The following VPS8 variants were observed in gnomAD, a reference collection of about 807,000 sequenced individuals.
The protein encoded by VPS8 is vacuolar protein sorting-associated protein 8 homolog.
In VPS8, 129 loss-of-function variants were observed where a neutral mutation model predicts 216.4. That is an observed-to-expected ratio of 0.60 (90% confidence interval 0.52 to 0.69). The LOEUF is 0.69. Ranked by LOEUF, VPS8 falls within the 30% of genes least tolerant of loss-of-function variation. VPS8 has a pLI of 0.00. For missense variants in VPS8, 1,531 were observed against 1,683.5 expected, an observed-to-expected ratio of 0.91 and a Z score of 1.59; for synonymous variants, 571 against 565.4, an observed-to-expected ratio of 1.01 and a Z score of -0.14.
intron 46 of VPS8, among the ~76,000 whole-genome samples, chr3:185,026,655 C>CT (rs1757400520): frequency 6.6e-6 from 1 of 151,260 alleles, no homozygotes; most frequent in Admixed American, 6.6e-5. Flanking sequence ...ATGATCCATC[C>CT]GCCTTGGCCT....
intron 27 of VPS8, 139 bp from the exon 28 acceptor site, chr3:184,915,216 A>T (rs1235382602): frequency 7.4e-7 from 1 of 1,349,010 alleles, no homozygotes; most frequent in Non-Finnish European, 1.0e-6. Context: ...CTGAGAAAGA[A>T]TTTAAGAGAG....
chr3:184,882,574 CA>C, intron 21 of VPS8: 1 of 233,096 alleles, frequency 4.3e-6, no homozygotes, highest in South Asian at 5.2e-5. Context: ...ACTAACTTAA[CA>C]AAATGAATTG....
At chr3:184,891,714 T>C (rs925453473) in intron 22 of VPS8, among the ~76,000 whole-genome samples, 8 of 152,288 alleles carry the variant, frequency 5.3e-5, no homozygotes, top group African/African-American at 1.9e-4. Context: ...TGAATTTTGC[T>C]TTTGCTTTTA....
intron 16 of VPS8, among the ~76,000 whole-genome samples, chr3:184,864,509 T>G (rs1726971625): frequency 6.6e-6 from 1 of 152,156 alleles, no homozygotes; most frequent in Admixed American, 6.6e-5. Context: ...GAAGAGCCAT[T>G]TGAAAGGTTT....
chr3:185,002,998 A>T (rs1253967469), intron 45 of VPS8, among the ~76,000 whole-genome samples: 1 of 152,154 alleles, frequency 6.6e-6, no homozygotes, highest in Non-Finnish European at 1.5e-5. Context: ...TGGTAGTTCT[A>T]CTTTTAGTTC....
At chr3:185,031,093 A>C in intron 46 of VPS8, among the ~76,000 whole-genome samples, 1 of 77,896 alleles carries the variant, frequency 1.3e-5, no homozygotes, top group South Asian at 4.8e-4. Flanking sequence ...TTTTTTTTTA[A>C]GGGAAAAAGC....
chr3:184,925,434 T>A (rs557891766), intron 30 of VPS8, among the ~76,000 whole-genome samples: 6 of 152,332 alleles, frequency 3.9e-5, no homozygotes, highest in Non-Finnish European at 8.8e-5. Context: ...TAACTAAAAA[T>A]GACTAACATT....
intron 46 of VPS8, among the ~76,000 whole-genome samples, chr3:185,024,927 G>A (rs1405772048): frequency 2.0e-5 from 3 of 152,020 alleles, no homozygotes; most frequent in Middle Eastern, 3.2e-3. Context: ...GCTTGAACCC[G>A]GGAGGCGGAG....
At chr3:185,031,071 T>A (rs975637478) in intron 46 of VPS8, among the ~76,000 whole-genome samples, 1 of 142,390 alleles carries the variant, frequency 7.0e-6, no homozygotes, top group African/African-American at 2.7e-5. Context: ...GCGTTTTTTT[T>A]TTTTTTTTTT....
chr3:184,907,383 A>G (rs1735686900), intron 25 of VPS8, among the ~76,000 whole-genome samples: 1 of 152,216 alleles, frequency 6.6e-6, no homozygotes. Context: ...TTTGTCCACA[A>G]GGAATTTCCT....
At chr3:184,885,236 C>T (rs539650135) in intron 21 of VPS8, among the ~76,000 whole-genome samples, 20 of 152,274 alleles carry the variant, frequency 1.3e-4, no homozygotes, top group African/African-American at 4.6e-4. Flanking sequence ...AGTGCCTTCT[C>T]CCTCCTGATG....
chr3:184,881,974 T>C (rs1730342851), intron 21 of VPS8, among the ~76,000 whole-genome samples: 1 of 152,074 alleles, frequency 6.6e-6, no homozygotes, highest in Admixed American at 6.5e-5. Context: ...AGAATGCTTT[T>C]TGTAGATTCC....
rs541976512 is a variant in VPS8 at position 184,826,348 on chromosome 3, C to T, written c.222+117C>T. ...ACTTTCCAGTAGGGTAGCCACTAGT[C>T]GTGTGTGTCAGTTTAAAATTTAAAT... On this transcript the variant is annotated intron_variant, in intron 3 of 47. Transcript: ENST00000625842. 3.6e-5 allele frequency: 21 copies of T among 586,640 alleles called. 1 individual carries two copies. Among genetic ancestry groups the T allele is most frequent in the Non-Finnish European group, 5.1e-5 (18 of 353,192 alleles). 36.3% of individuals were successfully genotyped at this position (586,640 alleles called of 1,614,324 possible). A position where few individuals can be genotyped will look rare whatever the true frequency, so the allele number is the denominator to read the frequency against.
chr3:184,858,207 A>G (rs1725635998), intron 14 of VPS8, among the ~76,000 whole-genome samples: 1 of 152,210 alleles, frequency 6.6e-6, no homozygotes, highest in Non-Finnish European at 1.5e-5. Context: ...AATTATAAGG[A>G]TGACTGAGGA....
At chr3:184,913,689 T>C in intron 26 of VPS8, 128 bp downstream of exon 26, 1 of 704,126 alleles carries the variant, frequency 1.4e-6, no homozygotes, top group Non-Finnish European at 2.2e-6. Flanking sequence ...TGTAGAGCAG[T>C]GGTTCTCAAC....
chr3:184,884,524 G>T (rs561230280), intron 21 of VPS8, among the ~76,000 whole-genome samples: 3 of 152,132 alleles, frequency 2.0e-5, no homozygotes, highest in Non-Finnish European at 4.4e-5. Context: ...TGTAGACAGG[G>T]TCTTGATTAC....
intron 21 of VPS8, among the ~76,000 whole-genome samples, chr3:184,885,248 G>C (rs2108864857): frequency 6.6e-6 from 1 of 152,258 alleles, no homozygotes; most frequent in South Asian, 2.1e-4. Context: ...CTCCTGATGA[G>C]ATTTCTGCCC....
chr3:185,041,098 G>A (rs565089885), intron 46 of VPS8, among the ~76,000 whole-genome samples: 35 of 152,154 alleles, frequency 2.3e-4, no homozygotes, highest in African/African-American at 7.5e-4. Context: ...CCAGCTATTC[G>A]GGAGGCTGAG....
chr3:185,003,099 A>G (rs910109939), intron 45 of VPS8, among the ~76,000 whole-genome samples: 1 of 150,398 alleles, frequency 6.6e-6, no homozygotes, highest in African/African-American at 2.4e-5. Context: ...TGCCACATCC[A>G]TGCCAACATC....
Sources: allele counts gnomAD v4.1 joint callset (sites outside exome capture counted in the v4.1 genomes callset), GRCh38; gene constraint gnomAD v4.1.1; transcripts MANE v1.5; gene names NCBI Gene and HGNC (gene_info 2026-07-23, HGNC 2026-07-21).